Variants in PCDHGB3 observed in about 807,000 individuals in gnomAD.
PCDHGB3 encodes the protein protocadherin gamma-B3.
PCDHGB3 carries 40 observed loss-of-function variants against 59.2 expected under a neutral mutation model. That is an observed-to-expected ratio of 0.68 (90% CI 0.52 to 0.88). The LOEUF is 0.88. Among genes scored for constraint, PCDHGB3 ranks in the 40% least tolerant of loss-of-function variants. The pLI, the probability that PCDHGB3 is intolerant of heterozygous loss-of-function variation, is 0.00. For missense variants in PCDHGB3, 1,309 were observed against 1,187.9 expected (o/e 1.10, Z -1.50); for synonymous variants, 581 against 503.6 (o/e 1.15, Z -2.06).
chr5:141,422,344 C>G, intron 1 of PCDHGB3: 1 of 1,550,890 alleles, frequency 6.4e-7, no homozygotes, highest in Non-Finnish European at 8.7e-7. Flanking sequence ...TCTAAATGTG[C>G]AAGATCAAGA....
chr5:141,419,375 T>G (rs755252910), intron 1 of PCDHGB3: 1 of 1,613,728 alleles, frequency 6.2e-7, no homozygotes, highest in Admixed American at 1.7e-5. Context: ...GTCCTACGTG[T>G]CCGTGAGCGC....
intron 1 of PCDHGB3, chr5:141,389,382 T>C (rs2091728828): frequency 6.2e-7 from 1 of 1,613,704 alleles, no homozygotes; most frequent in East Asian, 2.2e-5. Flanking sequence ...GCGGGAGCTG[T>C]CATCCTACGT....
chr5:141,426,173 G>A (rs2096919271), intron 1 of PCDHGB3: 1 of 155,348 alleles, frequency 6.4e-6, no homozygotes, highest in African/African-American at 2.4e-5. Flanking sequence ...TACGGATTGG[G>A]GTGCCCTCAA....
chr5:141,462,512 A>C (rs1169461013), intron 1 of PCDHGB3, among the ~76,000 whole-genome samples: 1 of 152,106 alleles, frequency 6.6e-6, no homozygotes, highest in Non-Finnish European at 1.5e-5. Flanking sequence ...AACTAGATCA[A>C]GTTAGTAAGA....
At chr5:141,436,173 A>T (rs556225963) in intron 1 of PCDHGB3, among the ~76,000 whole-genome samples, 1 of 152,302 alleles carries the variant, frequency 6.6e-6, no homozygotes, top group East Asian at 1.9e-4. Context: ...GACAGTTCTC[A>T]TATATAGTCA....
At chr5:141,439,774 T>G (rs1435214431) in intron 1 of PCDHGB3, 2 of 152,364 alleles carry the variant, frequency 1.3e-5, no homozygotes, top group East Asian at 3.9e-4. Context: ...CCTTCTTGGC[T>G]GGAGATTCTA....
At chr5:141,436,910 TGTGA>T (rs1332506247) in intron 1 of PCDHGB3, among the ~76,000 whole-genome samples, 1 of 152,228 alleles carries the variant, frequency 6.6e-6, no homozygotes, top group Non-Finnish European at 1.5e-5. Flanking sequence ...GAGACAATTT[TGTGA>T]GTGTTACTTT....
chr5:141,457,694 C>T (rs891323419), intron 1 of PCDHGB3, among the ~76,000 whole-genome samples: 4 of 152,214 alleles, frequency 2.6e-5, no homozygotes, highest in Non-Finnish European at 5.9e-5. Context: ...TTTGGATTGG[C>T]TTTGATGAAA....
chr5:141,475,080 C>T (rs963278755), intron 1 of PCDHGB3, among the ~76,000 whole-genome samples: 3 of 152,128 alleles, frequency 2.0e-5, no homozygotes, highest in South Asian at 4.1e-4. Flanking sequence ...GCCATTATTT[C>T]AATAATTTTA....
chr5:141,486,175 C>T lies in PCDHGB3; in HGVS notation c.2416-8632C>T. ...GTTCTCCAGCCATGGAGCAACATTG[C>T]AGCCTTCGAGTGGATCTGCTGGACG... On this transcript the variant is annotated intron_variant, in intron 1 of 3. Transcript: ENST00000576222. The surrounding 1 kb of genome is among the most constrained non-coding windows in gnomAD (Gnocchi z 5.0). 1 of 1,614,210 alleles carries T rather than the reference C, an allele frequency of 6.2e-7. No individual in the cohort carries two copies.
In PCDHGB3 at chr5:141,384,637, C is replaced by T. The variant is rs764454496; in HGVS notation, c.2415+11828C>T. On this transcript the variant is annotated intron_variant, in intron 1 of 3. Transcript: ENST00000576222. ...TTCTACTGGCATGGAGCTGGCACCC[C>T]GCTCCGCAGAGCCCGGCTACCTGGT... is the stretch of plus-strand genomic sequence containing the variant. The T allele has an allele frequency of 1.7e-5, 28 of 1,614,114 alleles. No individual in the cohort carries two copies. The highest frequency in any genetic ancestry group is 1.6e-4 in the Middle Eastern group (1 of 6,082).
intron 1 of PCDHGB3, among the ~76,000 whole-genome samples, chr5:141,447,895 G>A (rs931589569): frequency 1.3e-5 from 2 of 152,068 alleles, no homozygotes; most frequent in Non-Finnish European, 2.9e-5. Context: ...AGACCAGCCT[G>A]GCCAACATGG....
At chr5:141,389,671 C>T in intron 1 of PCDHGB3, 1 of 1,612,458 alleles carries the variant, frequency 6.2e-7, no homozygotes, top group Non-Finnish European at 8.5e-7. Flanking sequence ...GACGCAGACT[C>T]AGGACACAAC....
Position 141,376,584 on chromosome 5 carries a change from T to C in PCDHGB3, c.2415+3775T>C, listed in dbSNP as rs770132968. On this transcript the variant is annotated intron_variant, in intron 1 of 3. Coordinates refer to ENST00000576222, the MANE Select transcript of PCDHGB3 (RefSeq NM_018924.5). Reference sequence around the variant, plus strand: ...CAACTAATCAGACAGGCTCATCAGCTAGATCGGCTGTTATAGAAGCGAACC... The same window carrying C: ...CAACTAATCAGACAGGCTCATCAGCCAGATCGGCTGTTATAGAAGCGAACC... 12 of 1,584,754 alleles carry C rather than the reference T, an allele frequency of 7.6e-6. No individual in the cohort carries two copies. In the East Asian group the frequency reaches 2.2e-4, roughly 30 times the overall value.
chr5:141,490,380 T>C lies in PCDHGB3; in HGVS notation c.2416-4427T>C, dbSNP rs1246254637. 1 of 1,614,204 alleles carries C rather than the reference T, an allele frequency of 6.2e-7. No individual in the cohort carries two copies. ...TTAATGTGCGAGACCGGGACTCAGGTAGAAATGGTGAAGTGAGCCTTGATA... is the reference window on the plus strand; with the variant it reads ...TTAATGTGCGAGACCGGGACTCAGGCAGAAATGGTGAAGTGAGCCTTGATA... On this transcript the variant is annotated intron_variant, in intron 1 of 3. Coordinates refer to ENST00000576222, the MANE Select transcript of PCDHGB3 (RefSeq NM_018924.5). This position sits in a 1 kb window ranked among gnomAD's most constrained non-coding sequence, Gnocchi z 5.4.
chr5:141,423,437 C>CACGT (rs766166209), intron 1 of PCDHGB3: 1 of 1,613,952 alleles, frequency 6.2e-7, no homozygotes, highest in Non-Finnish European at 8.5e-7. Context: ...GCAGGTATGC[C>CACGT]CACGTCACAT....
chr5:141,451,740 G>A (rs370710201), intron 1 of PCDHGB3, among the ~76,000 whole-genome samples: 1 of 152,108 alleles, frequency 6.6e-6, no homozygotes, highest in Non-Finnish European at 1.5e-5. Context: ...AAATTAGCTG[G>A]TCTGGTGGTG....
intron 1 of PCDHGB3, chr5:141,423,851 C>A (rs1311833319): frequency 2.4e-6 from 3 of 1,275,940 alleles, no homozygotes; most frequent in East Asian, 3.1e-5. Context: ...TCTTTCAGAA[C>A]GTTTTTGTGA....
At chr5:141,452,854 A>G (rs137963870) in intron 1 of PCDHGB3, among the ~76,000 whole-genome samples, 109 of 152,264 alleles carry the variant, frequency 7.2e-4, no homozygotes, top group African/African-American at 2.5e-3. Flanking sequence ...CTCTGGGGAG[A>G]TGATTTTCTA....
Sources: allele counts gnomAD v4.1 joint callset (sites outside exome capture counted in the v4.1 genomes callset), GRCh38; gene constraint gnomAD v4.1.1; non-coding constraint Gnocchi (gnomAD v3.1); transcripts MANE v1.5; gene names NCBI Gene and HGNC (gene_info 2026-07-23, HGNC 2026-07-21).